Variants in RPS6KC1 observed in about 807,000 individuals in gnomAD.
RPS6KC1 encodes the protein inactive ribosomal protein S6 kinase delta-1.
RPS6KC1 carries 54 observed loss-of-function variants against 103.8 expected under a neutral mutation model. That is an observed-to-expected ratio of 0.52 (90% CI 0.42 to 0.65). The LOEUF (loss-of-function observed/expected upper bound fraction) is 0.65, where lower values mean the gene tolerates loss of function less well. Ranked by LOEUF, RPS6KC1 falls within the 30% of genes least tolerant of loss-of-function variation. The pLI is 0.00. For missense variants in RPS6KC1, 1,151 were observed against 1,253.8 expected (o/e 0.92, Z 1.24); for synonymous variants, 439 against 438.7 (o/e 1.00, Z -0.01).
At chr1:213,446,622 T>C in the RPS6KC1 span, among the ~76,000 whole-genome samples, 1 of 152,150 alleles carries the variant, frequency 6.6e-6, no homozygotes, top group South Asian at 2.1e-4. Context: ...TTCCCACCAA[T>C]ACCTAGATGA....
the RPS6KC1 span, among the ~76,000 whole-genome samples, chr1:213,363,818 T>A: frequency 9.4e-6 from 1 of 106,236 alleles, no homozygotes; most frequent in Non-Finnish European, 1.9e-5. Context: ...TTCTTTCTTC[T>A]CTCTTTTTTT....
chr1:213,134,436 T>C (rs1468038317), intron 6 of RPS6KC1, among the ~76,000 whole-genome samples: 1 of 152,146 alleles, frequency 6.6e-6, no homozygotes, highest in Non-Finnish European at 1.5e-5. Context: ...ATATTGTTGA[T>C]ATCCAATTTT....
the RPS6KC1 span, among the ~76,000 whole-genome samples, chr1:213,535,985 G>A: frequency 6.6e-6 from 1 of 152,136 alleles, no homozygotes; most frequent in Non-Finnish European, 1.5e-5. Flanking sequence ...TTTTGGCCTG[G>A]AAGAGGAGGG....
At chr1:213,641,313 T>G in the RPS6KC1 span, among the ~76,000 whole-genome samples, 2 of 152,112 alleles carry the variant, frequency 1.3e-5, no homozygotes, top group Admixed American at 6.6e-5. Context: ...TGTCATATAC[T>G]GAGTAATTTT....
the RPS6KC1 span, among the ~76,000 whole-genome samples, chr1:213,467,793 A>G: frequency 1.3e-5 from 2 of 152,180 alleles, no homozygotes; most frequent in Non-Finnish European, 2.9e-5. Flanking sequence ...ATTATTTTCT[A>G]GGGCTCACTT....
At chr1:213,811,445 T>C in the RPS6KC1 span, among the ~76,000 whole-genome samples, 1 of 152,130 alleles carries the variant, frequency 6.6e-6, no homozygotes, top group Non-Finnish European at 1.5e-5. Flanking sequence ...TGAATGTTCA[T>C]CAAAATTACA....
At chr1:213,266,868 A>G (rs1382070902) in intron 14 of RPS6KC1, among the ~76,000 whole-genome samples, 3 of 151,642 alleles carry the variant, frequency 2.0e-5, no homozygotes, top group African/African-American at 4.8e-5. Flanking sequence ...GCGCCACTGC[A>G]CTCCAGCCTG....
chr1:213,758,800 T>G, the RPS6KC1 span, among the ~76,000 whole-genome samples: 2 of 152,118 alleles, frequency 1.3e-5, no homozygotes, highest in African/African-American at 4.8e-5. Context: ...TGGTAAAACT[T>G]GAATGAATAA....
intron 8 of RPS6KC1, among the ~76,000 whole-genome samples, chr1:213,199,722 T>G (rs973579794): frequency 1.3e-5 from 2 of 152,120 alleles, no homozygotes; most frequent in African/African-American, 4.8e-5. Flanking sequence ...TGCACAGTGC[T>G]ATATCTAGAA....
the RPS6KC1 span, among the ~76,000 whole-genome samples, chr1:213,524,014 C>T: frequency 3.3e-5 from 5 of 152,038 alleles, no homozygotes; most frequent in Non-Finnish European, 7.4e-5. Flanking sequence ...TGAAGATTGT[C>T]GGTGACTCCC....
At chr1:213,688,376 C>A in the RPS6KC1 span, among the ~76,000 whole-genome samples, 50 of 152,304 alleles carry the variant, frequency 3.3e-4, no homozygotes, top group Non-Finnish European at 6.2e-4. Flanking sequence ...AACTGAACTT[C>A]TTCCTCAGTC....
the RPS6KC1 span, among the ~76,000 whole-genome samples, chr1:213,633,066 G>A: frequency 1.3e-5 from 2 of 152,190 alleles, no homozygotes; most frequent in East Asian, 1.9e-4. Flanking sequence ...CAAAATCTAC[G>A]TTTGATTGGT....
At chr1:213,860,808 T>C in the RPS6KC1 span, among the ~76,000 whole-genome samples, 2 of 147,126 alleles carry the variant, frequency 1.4e-5, no homozygotes, top group African/African-American at 5.4e-5. Flanking sequence ...TTTCTCTTTT[T>C]CTTTTCTTTT....
the RPS6KC1 span, among the ~76,000 whole-genome samples, chr1:213,529,478 G>A: frequency 3.3e-5 from 5 of 152,150 alleles, no homozygotes; most frequent in Admixed American, 3.3e-4. Flanking sequence ...TCAACTCTAA[G>A]AACTGATCCT....
chr1:213,862,045 T>C, the RPS6KC1 span, among the ~76,000 whole-genome samples: 1 of 152,134 alleles, frequency 6.6e-6, no homozygotes, highest in African/African-American at 2.4e-5. Flanking sequence ...GGGGGGCAGG[T>C]GAGCAGGTCT....
At chr1:213,376,916 G>T in the RPS6KC1 span, among the ~76,000 whole-genome samples, 1 of 152,214 alleles carries the variant, frequency 6.6e-6, no homozygotes, top group African/African-American at 2.4e-5. Context: ...GAAGAAGAAT[G>T]AGGTGGAGGG....
chr1:213,804,578 A>C, the RPS6KC1 span, among the ~76,000 whole-genome samples: 1 of 152,104 alleles, frequency 6.6e-6, no homozygotes, highest in African/African-American at 2.4e-5. Flanking sequence ...TATCCCTCTT[A>C]CCCAATTCTA....
chr1:213,055,117 G>T (rs1052846835), intron 1 of RPS6KC1, among the ~76,000 whole-genome samples: 5 of 152,240 alleles, frequency 3.3e-5, no homozygotes, highest in African/African-American at 9.6e-5. Flanking sequence ...TTCACCCATT[G>T]TAAGTGTCCA....
chr1:213,830,375 A>G, the RPS6KC1 span, among the ~76,000 whole-genome samples: 50,183 of 152,012 alleles, frequency 0.33, 11,831 homozygotes, highest in African/African-American at 0.66. Flanking sequence ...TCATCCCCCC[A>G]ATGGATAAAC....
Sources: gnomAD v4.1 joint callset for allele counts (sites outside exome capture counted in the v4.1 genomes callset) on GRCh38, gnomAD v4.1.1 for gene constraint, MANE v1.5 for transcripts, NCBI Gene and HGNC (gene_info 2026-07-23, HGNC 2026-07-21) for gene names.